Variants in RABGAP1 observed in about 807,000 individuals in gnomAD.
RABGAP1 encodes the protein RAB GTPase activating protein 1, also known as rab GTPase-activating protein 1.
RABGAP1 carries 23 observed loss-of-function variants against 137.6 expected under a neutral mutation model. The ratio of observed to expected loss-of-function variants is 0.17; its 90% CI spans 0.12 to 0.24. The LOEUF (loss-of-function observed/expected upper bound fraction) is 0.24, where lower values mean the gene tolerates loss of function less well. RABGAP1 is among the 10% of genes least tolerant of loss of function. The pLI is 1.00. For synonymous variants in RABGAP1, 451 were observed against 450.7 expected, an observed-to-expected ratio of 1.00 and a Z score of -0.01; for missense variants, 906 against 1,275.8, an observed-to-expected ratio of 0.71 and a Z score of 4.42.
intron 2 of RABGAP1, among the ~76,000 whole-genome samples, chr9:122,968,977 A>G (rs1387429561): frequency 5.3e-5 from 8 of 152,208 alleles, no homozygotes; most frequent in Admixed American, 2.0e-4. Flanking sequence ...GCTAGCAAAT[A>G]CTAGGTCTTA....
intron 12 of RABGAP1, among the ~76,000 whole-genome samples, chr9:123,017,262 A>G (rs1450594286): frequency 6.6e-6 from 1 of 150,942 alleles, no homozygotes; most frequent in Non-Finnish European, 1.5e-5. Context: ...TTAAGACTCT[A>G]GTTAGATTTT....
intron 2 of RABGAP1, among the ~76,000 whole-genome samples, chr9:122,958,117 C>A (rs558934402): frequency 1.3e-5 from 2 of 152,318 alleles, no homozygotes; most frequent in East Asian, 3.9e-4. Flanking sequence ...CCATTTCACT[C>A]CCACTTGTCT....
intron 11 of RABGAP1, among the ~76,000 whole-genome samples, chr9:123,011,206 G>A (rs2131881326): frequency 6.6e-6 from 1 of 152,288 alleles, no homozygotes; most frequent in Non-Finnish European, 1.5e-5. Flanking sequence ...TGTGAGCCAT[G>A]CATCTATATG....
intron 21 of RABGAP1, among the ~76,000 whole-genome samples, chr9:123,095,472 G>A (rs931047514): frequency 1.3e-5 from 2 of 152,140 alleles, no homozygotes; most frequent in African/African-American, 2.4e-5. Flanking sequence ...GGCCAAAGCA[G>A]GAAGATTGCT....
At chr9:123,040,102 T>A (rs2032879081) in intron 13 of RABGAP1, among the ~76,000 whole-genome samples, 1 of 152,166 alleles carries the variant, frequency 6.6e-6, no homozygotes, top group Non-Finnish European at 1.5e-5. Flanking sequence ...GAAGGATCAT[T>A]CCTTTCTTGT....
At chr9:123,036,317 G>A (rs1000024059) in intron 13 of RABGAP1, among the ~76,000 whole-genome samples, 4 of 152,210 alleles carry the variant, frequency 2.6e-5, no homozygotes, top group African/African-American at 9.7e-5. Context: ...ATGCTTCACA[G>A]AGATCTAAAG....
chr9:122,982,201 A>G (rs1310008402), intron 2 of RABGAP1, among the ~76,000 whole-genome samples: 1 of 152,064 alleles, frequency 6.6e-6, no homozygotes, highest in African/African-American at 2.4e-5. Flanking sequence ...TTTTTAAACC[A>G]CTCTTACCAC....
intron 21 of RABGAP1, among the ~76,000 whole-genome samples, chr9:123,092,569 T>C (rs116689476): frequency 2.0e-3 from 307 of 152,120 alleles, no homozygotes; most frequent in African/African-American, 7.2e-3. Flanking sequence ...GCTTTTTTTT[T>C]ACAGTGCCAG....
intron 14 of RABGAP1, among the ~76,000 whole-genome samples, chr9:123,067,874 C>G (rs2034228655): frequency 6.6e-6 from 1 of 152,162 alleles, no homozygotes; most frequent in Admixed American, 6.5e-5. Flanking sequence ...GAAAAATATG[C>G]TCCCCTCCAT....
chr9:122,949,556 G>A (rs1309864460), intron 1 of RABGAP1, among the ~76,000 whole-genome samples: 1 of 151,624 alleles, frequency 6.6e-6, no homozygotes, highest in African/African-American at 2.4e-5. Flanking sequence ...TTAGCTGGGC[G>A]TGGTGGTGCA....
chr9:123,021,580 C>G (rs1416783197), intron 13 of RABGAP1, among the ~76,000 whole-genome samples: 3 of 152,156 alleles, frequency 2.0e-5, no homozygotes, highest in African/African-American at 7.2e-5. Flanking sequence ...CTTGGCCTCC[C>G]AAAGTGCTGG....
chr9:123,060,317 A>G (rs1444221517), intron 13 of RABGAP1, among the ~76,000 whole-genome samples: 1 of 151,958 alleles, frequency 6.6e-6, no homozygotes, highest in Non-Finnish European at 1.5e-5. Context: ...CCAGGTAACC[A>G]TTTCGGTTTC....
At chr9:122,987,908 T>C (rs2131763880) in intron 4 of RABGAP1, among the ~76,000 whole-genome samples, 1 of 152,340 alleles carries the variant, frequency 6.6e-6, no homozygotes, top group African/African-American at 2.4e-5. Flanking sequence ...TTATCAGCAG[T>C]ATATAGAATA....
intron 2 of RABGAP1, among the ~76,000 whole-genome samples, chr9:122,964,134 ATACT>A (rs1835001211): frequency 6.6e-6 from 1 of 152,196 alleles, no homozygotes; most frequent in African/African-American, 2.4e-5. Flanking sequence ...ATTCTACCAG[ATACT>A]TAAATAAGAA....
At chr9:123,020,175 CT>C (rs914744781) in intron 12 of RABGAP1, 133 bp from the exon 13 acceptor site, 40 of 762,218 alleles carry the variant, frequency 5.2e-5, no homozygotes, top group South Asian at 1.5e-4. Flanking sequence ...TTCAGAAGCA[CT>C]TTTTTTTCCC....
chr9:122,988,559 CA>C (rs1471563758), intron 4 of RABGAP1, among the ~76,000 whole-genome samples: 1 of 138,886 alleles, frequency 7.2e-6, no homozygotes, highest in South Asian at 2.3e-4. Context: ...TTCCATGAAT[CA>C]AAAAAAAACT....
intron 6 of RABGAP1, 58 bp from the exon 7 acceptor site, chr9:122,995,983 G>A (rs1837004347): frequency 6.5e-7 from 1 of 1,531,084 alleles, no homozygotes; most frequent in Admixed American, 2.3e-5. Context: ...TAAAAAAATG[G>A]TTCTAGTATG....
intron 21 of RABGAP1, among the ~76,000 whole-genome samples, chr9:123,096,008 C>T (rs1479940336): frequency 1.3e-5 from 2 of 152,198 alleles, no homozygotes; most frequent in Admixed American, 1.3e-4. Context: ...GAATGTACCA[C>T]ATACACTTGG....
upstream of RABGAP1, among the ~76,000 whole-genome samples, chr9:122,937,226 A>T (rs188111654): frequency 1.2e-4 from 19 of 152,334 alleles, no homozygotes; most frequent in East Asian, 3.3e-3. Flanking sequence ...ATCAACTCAA[A>T]CTATTCCCAC....
Sources: gnomAD v4.1 joint callset for allele counts (sites outside exome capture counted in the v4.1 genomes callset) on GRCh38, gnomAD v4.1.1 for gene constraint, MANE v1.5 for transcripts, NCBI Gene and HGNC (gene_info 2026-07-23, HGNC 2026-07-21) for gene names.